DENND1A: variants seen among roughly 807,000 people sequenced by gnomAD.
DENND1A encodes the protein DENN domain-containing protein 1A.
A neutral mutation model predicts 113.7 loss-of-function variants in DENND1A; 51 were observed. The ratio of observed to expected loss-of-function variants is 0.45; its 90% CI spans 0.36 to 0.57. The LOEUF is 0.57. DENND1A is among the 20% of genes least tolerant of loss of function. The pLI, the probability that DENND1A is intolerant of heterozygous loss-of-function variation, is 0.00. For synonymous variants in DENND1A, 565 were observed against 570.8 expected (o/e 0.99, Z 0.14); for missense variants, 1,258 against 1,395.9 (o/e 0.90, Z 1.57).
intron 1 of DENND1A, among the ~76,000 whole-genome samples, chr9:123,905,281 G>T (rs1469658737): frequency 6.6e-6 from 1 of 151,648 alleles, no homozygotes; most frequent in Non-Finnish European, 1.5e-5. Context: ...ATCGAGACTA[G>T]GAAGAAACTG....
At chr9:123,905,932 T>A (rs1852731675) in intron 1 of DENND1A, among the ~76,000 whole-genome samples, 5 of 150,414 alleles carry the variant, frequency 3.3e-5, no homozygotes, top group African/African-American at 1.2e-4. Context: ...CCACACCTAT[T>A]CCAAAATTGA....
intron 9 of DENND1A, among the ~76,000 whole-genome samples, chr9:123,640,863 C>T (rs1298610519): frequency 1.3e-5 from 2 of 152,226 alleles, no homozygotes; most frequent in African/African-American, 4.8e-5. Context: ...GGATTAAGTA[C>T]AAGGCGGAGG....
At chr9:123,557,900 G>A (rs1423507696) in intron 12 of DENND1A, among the ~76,000 whole-genome samples, 1 of 151,956 alleles carries the variant, frequency 6.6e-6, no homozygotes, top group Non-Finnish European at 1.5e-5. Flanking sequence ...GCTGAGGCAC[G>A]AGAATCACTG....
intron 9 of DENND1A, among the ~76,000 whole-genome samples, chr9:123,642,812 G>A (rs145277152): frequency 6.6e-6 from 1 of 152,372 alleles, no homozygotes; most frequent in East Asian, 1.9e-4. Context: ...CGGCAGATAA[G>A]CAAACAGGAT....
intron 21 of DENND1A, among the ~76,000 whole-genome samples, chr9:123,391,441 C>T (rs1342364116): frequency 6.6e-6 from 1 of 152,196 alleles, no homozygotes; most frequent in Non-Finnish European, 1.5e-5. Flanking sequence ...GACAAAGTAG[C>T]CAAGGCTCAG....
chr9:123,599,969 C>T (rs1001468815), intron 11 of DENND1A, among the ~76,000 whole-genome samples: 1 of 152,112 alleles, frequency 6.6e-6, no homozygotes, highest in Admixed American at 6.5e-5. Flanking sequence ...AAACCACATG[C>T]GCCCAGATTT....
Position 123,590,942 on chromosome 9 carries a change from C to G in DENND1A, c.766-7672G>C, listed in dbSNP as rs548271355. On this transcript the variant is annotated intron_variant, in intron 11 of 23. Transcript: ENST00000394215. Reference sequence around the variant, plus strand: ...AAGGTGACTCTCCCCAGGGCCACCACCCAGTGTACATTCTGATCTGTGGCT... The same window carrying G: ...AAGGTGACTCTCCCCAGGGCCACCAGCCAGTGTACATTCTGATCTGTGGCT... 3.9e-5 allele frequency among the ~76,000 whole-genome samples: 6 copies of G among 152,330 alleles called. No individual in the cohort carries two copies. In the South Asian group the frequency reaches 1.2e-3, roughly 32 times the overall value.
chr9:123,825,292 C>T (rs1839134348), intron 2 of DENND1A, among the ~76,000 whole-genome samples: 1 of 149,444 alleles, frequency 6.7e-6, no homozygotes, highest in African/African-American at 2.5e-5. Flanking sequence ...CTCCTGGGAA[C>T]ACTGATGACA....
At position 123,911,716 on chromosome 9, in the gene DENND1A, G is replaced by A. The variant is rs560231596; in HGVS notation, c.17+18173C>T. Among the ~76,000 whole-genome samples the A allele has an allele frequency of 1.1e-4, 16 of 150,926 alleles. 1 individual carries two copies. Among genetic ancestry groups the A allele is most frequent in the South Asian group, 6.3e-4 (3 of 4,766 alleles). ...TTTTTTTTCTTTTTTTTTTTGAGGC[G>A]GAGTCTTGCTCTCGCCTAGGCTGGA... On this transcript the variant is annotated intron_variant, in intron 1 of 23. Coordinates refer to ENST00000394215, the MANE Select transcript of DENND1A (RefSeq NM_001352964.2).
intron 1 of DENND1A, among the ~76,000 whole-genome samples, chr9:123,907,293 T>G (rs1197405331): frequency 6.8e-6 from 1 of 146,942 alleles, no homozygotes; most frequent in African/African-American, 2.5e-5. Context: ...CTTTGAAAAC[T>G]GGCACAAGAC....
chr9:123,905,010 C>G (rs545860411), intron 1 of DENND1A, among the ~76,000 whole-genome samples: 3 of 152,156 alleles, frequency 2.0e-5, no homozygotes, highest in Non-Finnish European at 4.4e-5. Context: ...GCAGATCTCT[C>G]AGCAGAAACC....
chr9:123,795,116 C>T (rs1833570684), intron 2 of DENND1A, among the ~76,000 whole-genome samples: 1 of 152,132 alleles, frequency 6.6e-6, no homozygotes, highest in Non-Finnish European at 1.5e-5. Context: ...AAAAAACAAA[C>T]TTCATAGGTC....
chr9:123,537,087 C>T (rs890229756), intron 13 of DENND1A, among the ~76,000 whole-genome samples: 3 of 152,080 alleles, frequency 2.0e-5, no homozygotes, highest in Non-Finnish European at 4.4e-5. Flanking sequence ...ATTAAAACTA[C>T]AACCTACTGT....
At chr9:123,725,874 G>A (rs557299161) in intron 5 of DENND1A, among the ~76,000 whole-genome samples, 8 of 152,318 alleles carry the variant, frequency 5.3e-5, no homozygotes, top group Admixed American at 3.3e-4. Flanking sequence ...AAATACCTAC[G>A]TGGCCCCTTA....
chr9:123,830,630 C>T (rs1329612608), intron 2 of DENND1A, among the ~76,000 whole-genome samples: 8 of 151,476 alleles, frequency 5.3e-5, no homozygotes, highest in Non-Finnish European at 7.4e-5. Context: ...TTTGGGAGGC[C>T]GAGGGGGGCG....
At chr9:123,759,445 GAC>G (rs1328735398) in intron 4 of DENND1A, 1 of 152,220 alleles carries the variant, frequency 6.6e-6, no homozygotes, top group Non-Finnish European at 1.5e-5. Context: ...ATTACTTTGA[GAC>G]ACAGTCTTGT....
At chr9:123,687,786 G>C (rs1352125923) in intron 5 of DENND1A, among the ~76,000 whole-genome samples, 1 of 152,216 alleles carries the variant, frequency 6.6e-6, no homozygotes, top group Non-Finnish European at 1.5e-5. Flanking sequence ...GCTTCACTCT[G>C]CCATGGGATT....
chr9:123,617,926 A>AG (rs1491468197), intron 10 of DENND1A, among the ~76,000 whole-genome samples: 2 of 126,988 alleles, frequency 1.6e-5, no homozygotes, highest in Non-Finnish European at 3.3e-5. Flanking sequence ...AGAAAGTAAC[A>AG]GAAAAAAAGG....
chr9:123,929,790 C>A, intron 1 of DENND1A, 99 bp downstream of exon 1: 2 of 173,728 alleles, frequency 1.2e-5, no homozygotes, highest in South Asian at 3.5e-4. Context: ...CCCCTCTGGT[C>A]TCGGCAACAA....
Sources: allele counts gnomAD v4.1 joint callset (sites outside exome capture counted in the v4.1 genomes callset), GRCh38; gene constraint gnomAD v4.1.1; transcripts MANE v1.5; gene names NCBI Gene and HGNC (gene_info 2026-07-23, HGNC 2026-07-21).